ASAP1: variants seen among roughly 807,000 people sequenced by gnomAD.
ASAP1 encodes the protein ArfGAP with SH3 domain, ankyrin repeat and PH domain 1, also known as arf-GAP with SH3 domain, ANK repeat and PH domain-containing protein 1.
In ASAP1, 43 loss-of-function variants were observed where a neutral mutation model predicts 145.2. That is an observed-to-expected ratio of 0.30 (90% CI 0.23 to 0.38). The LOEUF (loss-of-function observed/expected upper bound fraction) is 0.38, where lower values mean the gene tolerates loss of function less well. ASAP1 is among the 10% of genes least tolerant of loss of function. The probability of loss-of-function intolerance (pLI) is 1.00; values close to 1 mark genes in which losing one functional copy is unlikely to be tolerated. For missense variants in ASAP1, 1,018 were observed against 1,355.3 expected (o/e 0.75, Z 3.91); for synonymous variants, 546 against 515.5 (o/e 1.06, Z -0.80).
chr8:130,395,277 T>C (rs72724491), intron 2 of ASAP1, among the ~76,000 whole-genome samples: 13,063 of 152,264 alleles, frequency 0.086, 631 homozygotes, highest in African/African-American at 0.14. Context: ...CGCTTTCTAA[T>C]ATTACATACG....
intron 7 of ASAP1, among the ~76,000 whole-genome samples, chr8:130,183,916 G>A (rs1159918671): frequency 6.6e-6 from 1 of 152,096 alleles, no homozygotes; most frequent in Non-Finnish European, 1.5e-5. Context: ...GCTCTGCAAA[G>A]GGATGTCTCC....
chr8:130,109,064 C>T (rs12542411), intron 24 of ASAP1, among the ~76,000 whole-genome samples: 23,773 of 152,026 alleles, frequency 0.16, 2,486 homozygotes, highest in East Asian at 0.44. Context: ...CGTAAGCCAC[C>T]GCACCCGGTC....
intron 3 of ASAP1, among the ~76,000 whole-genome samples, chr8:130,288,957 C>T (rs909291820): frequency 1.3e-5 from 2 of 152,190 alleles, no homozygotes; most frequent in Non-Finnish European, 2.9e-5. Flanking sequence ...GAGGCCAAGG[C>T]AGGTGGATCA....
At chr8:130,181,601 A>C (rs144484851) in intron 7 of ASAP1, among the ~76,000 whole-genome samples, 1 of 152,314 alleles carries the variant, frequency 6.6e-6, no homozygotes, top group East Asian at 1.9e-4. Flanking sequence ...ACCACTTGTC[A>C]CTGGAATGTA....
chr8:130,310,406 T>C (rs1398074312), intron 3 of ASAP1, among the ~76,000 whole-genome samples: 1 of 152,108 alleles, frequency 6.6e-6, no homozygotes, highest in African/African-American at 2.4e-5. Context: ...CAACCTCTCC[T>C]TGACCCCAGG....
intron 13 of ASAP1, among the ~76,000 whole-genome samples, chr8:130,141,725 T>C (rs1160705789): frequency 1.3e-5 from 2 of 152,080 alleles, no homozygotes; most frequent in Non-Finnish European, 2.9e-5. Flanking sequence ...TTTAAAAATA[T>C]GTATTTTTTA....
chr8:130,233,332 A>G (rs1433616498), intron 4 of ASAP1, among the ~76,000 whole-genome samples: 1 of 152,162 alleles, frequency 6.6e-6, no homozygotes, highest in Non-Finnish European at 1.5e-5. Context: ...GCCAACATGT[A>G]GCGATTCACT....
Position 130,152,720 on chromosome 8 carries a change from TA to T in ASAP1, c.1080+15del. The T allele has an allele frequency of 1.9e-6, 3 of 1,595,414 alleles. No homozygotes were observed. The highest frequency in any genetic ancestry group is 2.6e-6 in the Non-Finnish European group (3 of 1,166,272). On this transcript the variant is annotated intron_variant, in intron 13 of 29. Transcript: ENST00000518721. ...TTCTGGCCCATGAGGCAGGGTAAAT[TA>T]AGAAACATACTTACTGTGGCATGTG...
chr8:130,072,830 C>CGCGCGCGCGCGCGCGG lies in ASAP1; in HGVS notation c.2701+3517_2701+3518insCCGCGCGCGCGCGCGC, dbSNP rs1448184178. 4.1e-4 allele frequency among the ~76,000 whole-genome samples: 13 copies of CGCGCGCGCGCGCGCGG among 31,922 alleles called. 1 individual carries two copies. Among genetic ancestry groups the CGCGCGCGCGCGCGCGG allele is most frequent in the African/African-American group, 2.4e-3 (12 of 4,904 alleles). The allele number at this position is 31,922 out of a possible 152,430, so 20.9% of individuals were successfully genotyped here. A position where few individuals can be genotyped will look rare whatever the true frequency, so the allele number is the denominator to read the frequency against. ...GTGTGTGTGTGTGTGTGTGTGCGCG[C>CGCGCGCGCGCGCGCGG]GGGGGGGGGCAGTTTTGGGGACTGA... On this transcript the variant is annotated intron_variant, in intron 27 of 29. Coordinates refer to ENST00000518721, the MANE Select transcript of ASAP1 (RefSeq NM_018482.4).
chr8:130,220,785 T>G (rs950113330), intron 4 of ASAP1, among the ~76,000 whole-genome samples: 1 of 152,100 alleles, frequency 6.6e-6, no homozygotes, highest in South Asian at 2.1e-4. Context: ...TCAGGAAACT[T>G]AGAGTCATGG....
At chr8:130,273,319 A>G (rs750488698) in intron 3 of ASAP1, among the ~76,000 whole-genome samples, 1 of 152,188 alleles carries the variant, frequency 6.6e-6, no homozygotes, top group Non-Finnish European at 1.5e-5. Flanking sequence ...GGAGAAAAGC[A>G]TCAAAATCAA....
At chr8:130,356,336 G>A (rs564528703) in intron 3 of ASAP1, among the ~76,000 whole-genome samples, 271 of 152,222 alleles carry the variant, frequency 1.8e-3, no homozygotes, top group Middle Eastern at 0.014. Flanking sequence ...TATCTAGAAG[G>A]AAAATAACCA....
intron 15 of ASAP1, among the ~76,000 whole-genome samples, chr8:130,130,904 C>T (rs916965773): frequency 2.6e-5 from 4 of 152,054 alleles, no homozygotes; most frequent in Non-Finnish European, 4.4e-5. Flanking sequence ...CGCCTGTAAG[C>T]CCAGCACTTT....
chr8:130,095,389 C>T (rs544634468), intron 24 of ASAP1, among the ~76,000 whole-genome samples: 2 of 151,438 alleles, frequency 1.3e-5, no homozygotes, highest in East Asian at 3.9e-4. Context: ...TGACCTCCCC[C>T]TCCTGGGTTC....
At chr8:130,335,235 G>A (rs929175249) in intron 3 of ASAP1, among the ~76,000 whole-genome samples, 1 of 152,156 alleles carries the variant, frequency 6.6e-6, no homozygotes, top group Non-Finnish European at 1.5e-5. Context: ...ATCACCATGA[G>A]GATGACCATT....
intron 13 of ASAP1, among the ~76,000 whole-genome samples, chr8:130,140,315 C>A (rs1295602724): frequency 1.3e-5 from 2 of 151,858 alleles, no homozygotes; most frequent in Non-Finnish European, 2.9e-5. Flanking sequence ...AGGCGTGAGG[C>A]ACCATGCTGG....
intron 3 of ASAP1, among the ~76,000 whole-genome samples, chr8:130,317,220 G>A (rs1390757108): frequency 6.6e-6 from 1 of 151,918 alleles, no homozygotes; most frequent in East Asian, 1.9e-4. Context: ...CATAAAACTG[G>A]TACCTAAGCA....
chr8:130,264,285 C>T (rs979668712), intron 3 of ASAP1, among the ~76,000 whole-genome samples: 1 of 152,164 alleles, frequency 6.6e-6, no homozygotes, highest in African/African-American at 2.4e-5. Flanking sequence ...TTCACCTGGT[C>T]CTTCCATGGT....
intron 25 of ASAP1, among the ~76,000 whole-genome samples, chr8:130,089,397 G>A (rs10113410): frequency 0.55 from 83,832 of 151,858 alleles, 23,346 homozygotes; most frequent in East Asian, 0.69. Flanking sequence ...CTACCTGCTC[G>A]TGCCTGGTGT....
Sources: gnomAD v4.1 joint callset for allele counts (sites outside exome capture counted in the v4.1 genomes callset) on GRCh38, gnomAD v4.1.1 for gene constraint, MANE v1.5 for transcripts, NCBI Gene and HGNC (gene_info 2026-07-23, HGNC 2026-07-21) for gene names.